The following FOXK2 variants were observed in gnomAD, a reference collection of about 807,000 sequenced individuals.
FOXK2 encodes the protein forkhead box K2, also known as forkhead box protein K2.
Under a neutral mutation model 53.3 loss-of-function variants are expected in FOXK2, and 24 were observed. That is an observed-to-expected ratio of 0.45 (90% CI 0.33 to 0.63). The LOEUF is 0.63. Ranked by LOEUF, FOXK2 falls within the 30% of genes least tolerant of loss-of-function variation. The pLI is 0.03. For synonymous variants in FOXK2, 505 were observed against 407.1 expected, an observed-to-expected ratio of 1.24 and a Z score of -2.89; for missense variants, 952 against 910.5, an observed-to-expected ratio of 1.05 and a Z score of -0.59.
chr17:82,540,327 A>G (rs1056300218), intron 1 of FOXK2, among the ~76,000 whole-genome samples: 1 of 152,102 alleles, frequency 6.6e-6, no homozygotes, highest in Non-Finnish European at 1.5e-5. Context: ...AACCGCTTGA[A>G]TGATTTGGAG....
chr17:82,562,522 A>G (rs1463223501), intron 1 of FOXK2, among the ~76,000 whole-genome samples: 1 of 152,058 alleles, frequency 6.6e-6, no homozygotes, highest in Non-Finnish European at 1.5e-5. Context: ...GGAGGTTGCA[A>G]TGAGCAGAGA....
intron 8 of FOXK2, among the ~76,000 whole-genome samples, chr17:82,590,247 C>A (rs761483550): frequency 1.3e-5 from 2 of 152,136 alleles, no homozygotes; most frequent in Non-Finnish European, 2.9e-5. Context: ...AAAACAGTGT[C>A]GGCTACAGCC....
Position 82,601,467 on chromosome 17 carries a change from G to A in FOXK2, c.1951G>A (p.Ala651Thr). 1 of 1,611,076 alleles carries A rather than the reference G, an allele frequency of 6.2e-7. No homozygotes were observed. The highest frequency in any genetic ancestry group is 1.1e-5 in the South Asian group (1 of 91,050). ...VIALSVDTPP[A>T]AVREKGVQN is the part of the protein sequence containing the mutation. Reference sequence around the variant, plus strand: ...TGCCCTGAGCGTGGACACGCCACCGGCAGCCGTAAGGGAAAAGGGTGTCCA... The same window carrying A: ...TGCCCTGAGCGTGGACACGCCACCGACAGCCGTAAGGGAAAAGGGTGTCCA... Residue 651 changes from alanine to threonine, a missense_variant, in exon 9 of 9, where the codon GCA (alanine) becomes ACA (threonine). By Grantham distance (58) the Ala-to-Thr change is moderately conservative. Around this residue, in one of 5 missense-constraint regions of FOXK2, gnomAD observed 551 missense variants for 385.1 expected, o/e 1.43. Transcript: ENST00000335255.
At chr17:82,559,428 T>C (rs761406089) in intron 1 of FOXK2, 38 of 456,250 alleles carry the variant, frequency 8.3e-5, no homozygotes, top group Non-Finnish European at 8.8e-5. Context: ...TTGCCCTGTT[T>C]GTGTCCACCT....
intron 3 of FOXK2, among the ~76,000 whole-genome samples, chr17:82,569,024 T>C (rs746451706): frequency 5.9e-5 from 9 of 151,806 alleles, no homozygotes; most frequent in African/African-American, 1.2e-4. Flanking sequence ...AAAAATAAAA[T>C]AAAAAATAAA....
chr17:82,597,414 G>A (rs1010313705), intron 8 of FOXK2, among the ~76,000 whole-genome samples: 4 of 152,144 alleles, frequency 2.6e-5, no homozygotes, highest in African/African-American at 9.7e-5. Context: ...GCTGATGGCT[G>A]CTCCCTCCCC....
At chr17:82,543,776 T>G in intron 1 of FOXK2, among the ~76,000 whole-genome samples, 2 of 42,900 alleles carry the variant, frequency 4.7e-5, no homozygotes, top group African/African-American at 1.1e-4. Flanking sequence ...ATGCTTAGCT[T>G]TTTTTTTTTT....
Position 82,602,146 on chromosome 17 carries a change from A to G in FOXK2, c.*647A>G, listed in dbSNP as rs2143190781. On this transcript the variant is annotated 3_prime_UTR_variant, in exon 9 of 9. Coordinates refer to ENST00000335255, the MANE Select transcript of FOXK2 (RefSeq NM_004514.4). ...TGGCATCTGCACATTTCCGTGTTAC[A>G]GCAGCTGCCTGATGAATTTTATCCA... is the stretch of plus-strand genomic sequence containing the variant. 1 of 152,362 alleles carries G rather than the reference A, an allele frequency of 6.6e-6. No homozygotes were observed. Among genetic ancestry groups the G allele is most frequent in the Middle Eastern group, 3.4e-3 (1 of 294 alleles). 9.4% of individuals were successfully genotyped at this position (152,362 alleles called of 1,614,324 possible).
chr17:82,529,997 A>G (rs1397723560), intron 1 of FOXK2, among the ~76,000 whole-genome samples: 1 of 152,204 alleles, frequency 6.6e-6, no homozygotes. Flanking sequence ...AAAAAAGACA[A>G]TGAGCTGTAG....
intron 1 of FOXK2, among the ~76,000 whole-genome samples, chr17:82,557,806 C>T (rs1437290958): frequency 6.6e-6 from 1 of 152,132 alleles, no homozygotes. Flanking sequence ...CACCACCATC[C>T]TGGGTAAGTT....
At chr17:82,545,770 C>T (rs888123220) in intron 1 of FOXK2, among the ~76,000 whole-genome samples, 4 of 151,952 alleles carry the variant, frequency 2.6e-5, no homozygotes, top group African/African-American at 7.3e-5. Flanking sequence ...TTAGTAGAGA[C>T]GGGGTTTCAC....
intron 1 of FOXK2, among the ~76,000 whole-genome samples, chr17:82,523,190 AAG>A (rs1160666609): frequency 6.6e-6 from 1 of 152,196 alleles, no homozygotes; most frequent in Non-Finnish European, 1.5e-5. Context: ...GTGCTCAGGG[AAG>A]AGTCTTGTGG....
At chr17:82,563,617 C>T (rs1370860588) in intron 2 of FOXK2, 69 bp downstream of exon 2, 2 of 1,412,614 alleles carry the variant, frequency 1.4e-6, no homozygotes, top group African/African-American at 1.4e-5. Flanking sequence ...ACGCCTTTCT[C>T]CTTCCCTGGT....
chr17:82,583,490 G>T (rs1313924224), intron 5 of FOXK2, among the ~76,000 whole-genome samples: 1 of 152,260 alleles, frequency 6.6e-6, no homozygotes, highest in African/African-American at 2.4e-5. Flanking sequence ...AGAGATTGCA[G>T]TGAGCCGAGA....
intron 4 of FOXK2, among the ~76,000 whole-genome samples, chr17:82,573,310 T>C (rs916437681): frequency 4.6e-5 from 7 of 152,084 alleles, no homozygotes; most frequent in African/African-American, 1.7e-4. Context: ...TGGCCCACCT[T>C]GTGCCCACCC....
At chr17:82,529,691 G>T (rs2044454635) in intron 1 of FOXK2, among the ~76,000 whole-genome samples, 1 of 152,116 alleles carries the variant, frequency 6.6e-6, no homozygotes, top group Non-Finnish European at 1.5e-5. Flanking sequence ...CCACCTGAAA[G>T]TGCCTTTTGT....
At chr17:82,544,519 G>A (rs1389042090) in intron 1 of FOXK2, among the ~76,000 whole-genome samples, 1 of 152,130 alleles carries the variant, frequency 6.6e-6, no homozygotes, top group African/African-American at 2.4e-5. Flanking sequence ...CGTGTGTACT[G>A]GGTATGATTT....
chr17:82,587,362 A>T, intron 8 of FOXK2, 90 bp downstream of exon 8: 1 of 986,700 alleles, frequency 1.0e-6, no homozygotes, highest in South Asian at 1.3e-5. Flanking sequence ...GACTGTAACA[A>T]TTTTAGCTTT....
At chr17:82,560,580 T>C (rs1264504046) in intron 1 of FOXK2, among the ~76,000 whole-genome samples, 1 of 152,252 alleles carries the variant, frequency 6.6e-6, no homozygotes, top group East Asian at 1.9e-4. Context: ...TTCCTTTGTT[T>C]CCATTGGTTT....
Sources: gnomAD v4.1 joint callset for allele counts (sites outside exome capture counted in the v4.1 genomes callset) on GRCh38, gnomAD v4.1.1 for gene constraint, gnomAD v4.1.1 regional missense constraint, MANE v1.5 for transcripts, NCBI Gene and HGNC (gene_info 2026-07-23, HGNC 2026-07-21) for gene names.